Variants in DEFB128 observed in about 807,000 individuals in gnomAD.
The protein encoded by DEFB128 is beta-defensin 128.
Under a neutral mutation model 2.4 loss-of-function variants are expected in DEFB128, and 1 was observed. The observed-to-expected ratio is 0.41, with a 90% CI of 0.15 to 1.96. The LOEUF (loss-of-function observed/expected upper bound fraction) is 1.96. DEFB128 is among the 30% of genes most tolerant of loss of function. DEFB128 has a pLI of 0.30. For missense variants in DEFB128, 129 were observed against 104.9 expected, an observed-to-expected ratio of 1.23 and a Z score of -1.00; for synonymous variants, 59 against 39.1, an observed-to-expected ratio of 1.51 and a Z score of -1.89.
chr20:188,230 T>C (rs1183229531), intron 1 of DEFB128, 112 bp from the exon 2 acceptor site: 1 of 1,009,480 alleles, frequency 9.9e-7, no homozygotes, highest in Non-Finnish European at 1.5e-6. Context: ...GTGAACATTA[T>C]GCTGATAAAA....
chr20:188,952 G>T (rs1267091483), intron 1 of DEFB128, among the ~76,000 whole-genome samples: 1 of 152,128 alleles, frequency 6.6e-6, no homozygotes, highest in African/African-American at 2.4e-5. Context: ...ACATCTTTGA[G>T]GGTTAGAGGA....
chr20:188,465 C>T (rs1451823063), intron 1 of DEFB128, among the ~76,000 whole-genome samples: 1 of 152,200 alleles, frequency 6.6e-6, no homozygotes, highest in Non-Finnish European at 1.5e-5. Flanking sequence ...CTCTCAGCTC[C>T]ATCTCAGTCT....
intron 1 of DEFB128, 138 bp from the exon 2 acceptor site, chr20:188,256 C>A: frequency 1.3e-6 from 1 of 797,762 alleles, no homozygotes; most frequent in Non-Finnish European, 2.1e-6. Context: ...CTCAGAGGCC[C>A]CTCCTTGAAA....
Position 187,863 on chromosome 20 carries a change from C to A in DEFB128, c.*23G>T, listed in dbSNP as rs145684685. ...TTTATTTAGGAAGAGTGGAGACCAG[C>A]GAGACAAGGGCTAGATTTAGGATTA... On this transcript the variant is annotated 3_prime_UTR_variant, in exon 2 of 2. Transcript: ENST00000334391. 11 of 1,611,992 alleles carry A rather than the reference C, an allele frequency of 6.8e-6. No individual in the cohort carries two copies. The highest frequency in any genetic ancestry group is 6.7e-5 in the East Asian group (3 of 44,854).
intron 1 of DEFB128, among the ~76,000 whole-genome samples, chr20:189,245 A>G (rs553210678): frequency 6.6e-6 from 1 of 152,222 alleles, no homozygotes; most frequent in Non-Finnish European, 1.5e-5. Flanking sequence ...TATTTTAATT[A>G]CTGTTGTAGT....
At chr20:189,517 C>G (rs1461588856) in intron 1 of DEFB128, 58 bp downstream of exon 1, 4 of 1,555,532 alleles carry the variant, frequency 2.6e-6, no homozygotes, top group South Asian at 1.1e-5. Context: ...AAGTCCTGTT[C>G]CCACTCTTAC....
intron 1 of DEFB128, among the ~76,000 whole-genome samples, chr20:189,162 G>A (rs2011117812): frequency 6.6e-6 from 1 of 152,126 alleles, no homozygotes; most frequent in Non-Finnish European, 1.5e-5. Flanking sequence ...GAAATAATGT[G>A]CTTAATTCAT....
chr20:188,204 C>T, intron 1 of DEFB128, 86 bp from the exon 2 acceptor site: 1 of 1,212,368 alleles, frequency 8.2e-7, no homozygotes, highest in Non-Finnish European at 1.2e-6. Flanking sequence ...CAAGTCATGG[C>T]CTCCTATGGT....
At position 187,878 on chromosome 20, in the gene DEFB128, A is replaced by G. The variant is rs1393394295; in HGVS notation, c.*8T>C. ...TGGAGACCAGCGAGACAAGGGCTAGATTTAGGATTAGACTGTGAAAATGGT... is the reference window on the plus strand; with the variant it reads ...TGGAGACCAGCGAGACAAGGGCTAGGTTTAGGATTAGACTGTGAAAATGGT... On this transcript the variant is annotated 3_prime_UTR_variant, in exon 2 of 2. Coordinates refer to ENST00000334391, the MANE Select transcript of DEFB128 (RefSeq NM_001037732.3). 3.7e-6 allele frequency: 6 copies of G among 1,613,796 alleles called. No homozygotes were observed. Among genetic ancestry groups the G allele is most frequent in the Admixed American group, 1.7e-5 (1 of 59,984 alleles).
At chr20:188,460 A>C (rs2011114987) in intron 1 of DEFB128, among the ~76,000 whole-genome samples, 3 of 152,216 alleles carry the variant, frequency 2.0e-5, no homozygotes, top group Non-Finnish European at 4.4e-5. Context: ...GCACTCTCTC[A>C]GCTCCATCTC....
chr20:188,165 A>T (rs1435063251), intron 1 of DEFB128, 47 bp from the exon 2 acceptor site: 18 of 1,555,982 alleles, frequency 1.2e-5, no homozygotes, highest in African/African-American at 2.7e-5. Context: ...CGTAAGGAAG[A>T]GCAGAAGAGG....
chr20:189,606 A>G lies in DEFB128; in HGVS notation c.18T>C (p.Val6=). The stretch of plus-strand genomic sequence containing the variant: ...GTACCTCAAACAGCAGAATAATGAG[A>G]ACCAGAAACAGCTTCATATTTACAG... MKLFL[V]LIILLFEVLT... The change falls in exon 1 of 2, where the codon GTT becomes GTC. Residue 6 remains valine, a synonymous_variant. Coordinates refer to ENST00000334391, the MANE Select transcript of DEFB128 (RefSeq NM_001037732.3). 6.2e-7 allele frequency: 1 copy of G among 1,613,938 alleles called. No individual in the cohort carries two copies. The highest frequency in any genetic ancestry group is 8.5e-7 in the Non-Finnish European group (1 of 1,179,838).
rs116556409 is a variant in DEFB128, at chr20:188,593, G to T, written c.50-475C>A. The stretch of plus-strand genomic sequence containing the variant: ...CAAACAAGACTTTTTAACTTAATTC[G>T]GTTTCACACTCACTGATATGGGCAA... On this transcript the variant is annotated intron_variant, in intron 1 of 1. Coordinates refer to ENST00000334391, the MANE Select transcript of DEFB128 (RefSeq NM_001037732.3). Among the ~76,000 whole-genome samples the T allele has an allele frequency of 1.7e-3, 259 of 152,178 alleles. 1 individual carries two copies. Among genetic ancestry groups the T allele is most frequent in the African/African-American group, 6.1e-3 (252 of 41,516 alleles).
At chr20:188,140 G>A in intron 1 of DEFB128, 22 bp from the exon 2 acceptor site, 1 of 1,608,688 alleles carries the variant, frequency 6.2e-7, no homozygotes, top group Non-Finnish European at 8.5e-7. Flanking sequence ...AAACAACATT[G>A]AACCAAGGTT....
chr20:188,748 C>A (rs975885242), intron 1 of DEFB128, among the ~76,000 whole-genome samples: 2 of 152,108 alleles, frequency 1.3e-5, no homozygotes, highest in Non-Finnish European at 2.9e-5. Flanking sequence ...ATGTGTTGCC[C>A]AGGGATCAAA....
chr20:189,576 T>G lies in DEFB128; in HGVS notation c.48A>C (p.Thr16=). 6.2e-7 allele frequency: 1 copy of G among 1,613,720 alleles called. No individual in the cohort carries two copies. The highest frequency in any genetic ancestry group is 2.2e-5 in the East Asian group (1 of 44,872). The change falls in exon 1 of 2, where the codon ACA becomes ACC. Residue 16 remains threonine, a splice_region_variant and synonymous_variant. Transcript: ENST00000334391. ...TTATAGTACATTTGGACAAGTTACC[T>G]GTGAGTACCTCAAACAGCAGAATAA... is the stretch of plus-strand genomic sequence containing the variant. The part of the protein sequence containing the change: ...VLIILLFEVL[T]DGARLKKCFN...
Position 188,042 on chromosome 20 carries a change from A to T in DEFB128, c.126T>A (p.Tyr42Ter). ...ATTTCCCACTTAGACATCCTATTTCATATCTTTCTCCTACCTTGCATTTCT... is the reference window on the plus strand; with the variant it reads ...ATTTCCCACTTAGACATCCTATTTCTTATCTTTCTCCTACCTTGCATTTCT... ...CRKKCKVGER[Y>*]EIGCLSGKLC... The change falls in exon 2 of 2, where the codon TAT (tyrosine) becomes TAA (stop). Residue 42 changes from tyrosine (Y) to a stop codon, truncating the protein, a stop_gained. Coordinates refer to ENST00000334391, the MANE Select transcript of DEFB128 (RefSeq NM_001037732.3). LOFTEE classifies it low-confidence loss of function (END_TRUNC). 1 of 1,614,060 alleles carries T rather than the reference A, an allele frequency of 6.2e-7. No individual in the cohort carries two copies. The highest frequency in any genetic ancestry group is 1.7e-5 in the Admixed American group (1 of 60,024).
intron 1 of DEFB128, 110 bp from the exon 2 acceptor site, chr20:188,228 T>C (rs996794744): frequency 2.0e-6 from 2 of 1,013,164 alleles, no homozygotes; most frequent in Non-Finnish European, 3.0e-6. Flanking sequence ...AAGTGAACAT[T>C]ATGCTGATAA....
intron 1 of DEFB128, 113 bp downstream of exon 1, chr20:189,462 A>G: frequency 8.1e-7 from 1 of 1,227,578 alleles, no homozygotes; most frequent in Non-Finnish European, 1.2e-6. Flanking sequence ...CAACCAGGAG[A>G]ATGGGTACTT....
Sources: gnomAD v4.1 joint callset for allele counts (sites outside exome capture counted in the v4.1 genomes callset) on GRCh38, gnomAD v4.1.1 for gene constraint, MANE v1.5 for transcripts, NCBI Gene and HGNC (gene_info 2026-07-23, HGNC 2026-07-21) for gene names.